AVEN: variants seen among roughly 807,000 people sequenced by gnomAD.
AVEN encodes cell death regulator Aven.
In AVEN, 41 loss-of-function variants were observed where a neutral mutation model predicts 38.1. The observed-to-expected ratio is 1.08, with a 90% CI of 0.84 to 1.40. The LOEUF is 1.40. AVEN is among the 40% of genes most tolerant of loss of function. The pLI, the probability that AVEN is intolerant of heterozygous loss-of-function variation, is 0.00. For missense variants in AVEN, 605 were observed against 438.8 expected (o/e 1.38, Z -3.38); for synonymous variants, 206 against 171.8 (o/e 1.20, Z -1.56).
intron 2 of AVEN, among the ~76,000 whole-genome samples, chr15:33,944,625 T>C (rs1442492939): frequency 1.3e-5 from 2 of 152,008 alleles, no homozygotes; most frequent in African/African-American, 4.8e-5. Context: ...CTGGCTAACA[T>C]GGTGAAACCC....
intron 2 of AVEN, among the ~76,000 whole-genome samples, chr15:33,949,235 C>A (rs563937485): frequency 1.3e-5 from 2 of 151,754 alleles, no homozygotes; most frequent in African/African-American, 4.8e-5. Flanking sequence ...ACCGTGTTAG[C>A]CAGGATGGTC....
intron 2 of AVEN, among the ~76,000 whole-genome samples, chr15:33,983,161 T>TATATACACAC (rs1491248403): frequency 2.6e-4 from 23 of 86,904 alleles, no homozygotes; most frequent in African/African-American, 1.6e-3. Context: ...TGTGTGTGTA[T>TATATACACAC]GTGTGTGTGT....
chr15:34,011,127 G>C (rs925890319), intron 1 of AVEN, among the ~76,000 whole-genome samples: 4 of 152,044 alleles, frequency 2.6e-5, no homozygotes. Context: ...AAGAGCTCAA[G>C]GCTGCAGTAA....
chr15:33,921,453 C>A (rs1466473951), intron 2 of AVEN, among the ~76,000 whole-genome samples: 1 of 151,998 alleles, frequency 6.6e-6, no homozygotes, highest in South Asian at 2.1e-4. Context: ...GAGTGCATTC[C>A]TGGAAGAAGG....
chr15:33,911,080 A>C (rs1175344963), intron 2 of AVEN, among the ~76,000 whole-genome samples: 1 of 152,206 alleles, frequency 6.6e-6, no homozygotes, highest in African/African-American at 2.4e-5. Context: ...AACCCATTAA[A>C]ATACCCTCTC....
chr15:34,060,515 T>C (rs1253302503), intron 5 of AVEN, among the ~76,000 whole-genome samples: 1 of 152,212 alleles, frequency 6.6e-6, no homozygotes, highest in African/African-American at 2.4e-5. Context: ...GTGTCAAGAC[T>C]GGCCATAGGC....
chr15:33,916,192 C>T (rs1893129971), intron 2 of AVEN, among the ~76,000 whole-genome samples: 1 of 152,210 alleles, frequency 6.6e-6, no homozygotes, highest in South Asian at 2.1e-4. Flanking sequence ...CTCTTGAAAG[C>T]ACCACCTCCT....
intron 2 of AVEN, among the ~76,000 whole-genome samples, chr15:33,912,923 C>T (rs1234401185): frequency 6.8e-6 from 1 of 146,902 alleles, no homozygotes; most frequent in African/African-American, 2.5e-5. Context: ...GAGTTTCGCT[C>T]TTGTTGCCTA....
intron 2 of AVEN, among the ~76,000 whole-genome samples, chr15:34,069,682 AT>A (rs928864160): frequency 1.3e-5 from 2 of 152,080 alleles, no homozygotes; most frequent in African/African-American, 4.8e-5. Context: ...TTTGCTTATA[AT>A]TTTTTTATCT....
chr15:33,990,722 C>G (rs1046484133), intron 2 of AVEN: 5 of 152,190 alleles, frequency 3.3e-5, no homozygotes, highest in African/African-American at 1.2e-4. Context: ...AATGGCTGCT[C>G]TGGGGACCGA....
At chr15:33,975,263 C>T (rs1294838749) in intron 2 of AVEN, among the ~76,000 whole-genome samples, 1 of 152,144 alleles carries the variant, frequency 6.6e-6, no homozygotes, top group African/African-American at 2.4e-5. Context: ...CATTTTAATG[C>T]AAGTTTTTGA....
At chr15:33,937,803 A>G (rs1894145954) in intron 2 of AVEN, among the ~76,000 whole-genome samples, 1 of 152,076 alleles carries the variant, frequency 6.6e-6, no homozygotes. Flanking sequence ...TCACCAGACA[A>G]CAACCCTTCT....
At chr15:33,968,603 A>G (rs560450447) in intron 2 of AVEN, 1 of 152,208 alleles carries the variant, frequency 6.6e-6, no homozygotes, top group East Asian at 1.9e-4. Context: ...ATGGGTTACA[A>G]AAGCATGAGG....
chr15:34,025,307 A>G (rs1288080723), intron 1 of AVEN, among the ~76,000 whole-genome samples: 1 of 152,274 alleles, frequency 6.6e-6, no homozygotes, highest in African/African-American at 2.4e-5. Context: ...TAGGTAGAAA[A>G]GGAATTTACT....
intron 2 of AVEN, among the ~76,000 whole-genome samples, chr15:33,976,138 T>C (rs1895877249): frequency 6.6e-6 from 1 of 152,172 alleles, no homozygotes; most frequent in African/African-American, 2.4e-5. Flanking sequence ...ACCAGCAGGA[T>C]ATATTGGATA....
chr15:33,915,017 A>C (rs1893071980), intron 2 of AVEN, among the ~76,000 whole-genome samples: 1 of 152,118 alleles, frequency 6.6e-6, no homozygotes. Context: ...ACCAGAAAGA[A>C]AGTACCCTCA....
rs555420997 is a variant in AVEN, at chr15:33,938,395, C to T, written c.446-62400G>A. On this transcript the variant is annotated intron_variant, in intron 2 of 5. Coordinates refer to ENST00000306730, the MANE Select transcript of AVEN (RefSeq NM_020371.3). ...GCGTGAACCCAGGAGGCGGAGCTTG[C>T]AGTGAGCCGAGATCGCGCCACTGCA... is the stretch of plus-strand genomic sequence containing the variant. 5.5e-3 allele frequency among the ~76,000 whole-genome samples: 842 copies of T among 152,020 alleles called. 3 individuals are homozygous for T. Among genetic ancestry groups the T allele is most frequent in the Non-Finnish European group, 9.4e-3 (641 of 67,984 alleles).
chr15:33,858,127 C>G (rs1436441576), downstream of AVEN: 1 of 618,800 alleles, frequency 1.6e-6, no homozygotes, highest in Non-Finnish European at 2.8e-6. Flanking sequence ...TTCATTACCA[C>G]ACATCTAAGC....
chr15:33,872,582 G>C (rs1891021811), intron 3 of AVEN, among the ~76,000 whole-genome samples: 1 of 152,032 alleles, frequency 6.6e-6, no homozygotes, highest in African/African-American at 2.4e-5. Flanking sequence ...GCCTTTAAAA[G>C]CCAGGCCCTC....
Sources: allele counts gnomAD v4.1 joint callset (sites outside exome capture counted in the v4.1 genomes callset), GRCh38; gene constraint gnomAD v4.1.1; transcripts MANE v1.5; gene names NCBI Gene and HGNC (gene_info 2026-07-23, HGNC 2026-07-21).